RXFP4: variants seen among roughly 807,000 people sequenced by gnomAD.
The protein encoded by RXFP4 is relaxin-3 receptor 2.
For synonymous variants in RXFP4, 182 were observed against 218.0 expected (o/e 0.83, Z 1.45); for missense variants, 425 against 491.3 (o/e 0.87, Z 1.28).
At position 155,941,868 on chromosome 1, in the gene RXFP4, C is replaced by T; in HGVS notation, c.159C>T (p.Gly53=). The change falls in exon 1 of 1, where the codon GGC becomes GGT. Residue 53 remains glycine, a synonymous_variant. Transcript: ENST00000368318. ...CCTATGGGCTTGTGGGGGCCATTGG[C>T]TTGCTGGGAAATTTGGCGGTGCTGT... ...ALAYGLVGAI[G]LLGNLAVLWV... 5 of 1,614,224 alleles carry T rather than the reference C, an allele frequency of 3.1e-6. No individual in the cohort carries two copies. The South Asian group carries it at 4.4e-5, about 14-fold the overall frequency.
In RXFP4 at chr1:155,942,402, G is replaced by A; in HGVS notation, c.693G>A (p.Leu231=). Reference sequence around the variant, plus strand: ...GCTACCTGCTGCTGCTGGCCTTCCTGCAGCGGCGGCAACGGCGGCGGCAGG... The same window carrying A: ...GCTACCTGCTGCTGCTGGCCTTCCTACAGCGGCGGCAACGGCGGCGGCAGG... ...TTSYLLLLAF[L]QRRQRRRQDS... The change falls in exon 1 of 1, where the codon CTG becomes CTA. Residue 231 remains leucine (L), a synonymous_variant. Transcript: ENST00000368318. This position sits in a 1 kb window ranked among gnomAD's most constrained non-coding sequence, Gnocchi z 5.2. 6.4e-7 allele frequency: 1 copy of A among 1,554,060 alleles called. No homozygotes were observed. The highest frequency in any genetic ancestry group is 1.8e-5 in the Admixed American group (1 of 54,104).
In RXFP4 at chr1:155,942,602, C is replaced by A. The variant is rs1259543208; in HGVS notation, c.893C>A (p.Ala298Glu). The A allele has an allele frequency of 6.2e-7, 1 of 1,614,206 alleles. No homozygotes were observed. Among genetic ancestry groups the A allele is most frequent in the Non-Finnish European group, 8.5e-7 (1 of 1,180,016 alleles). The change falls in exon 1 of 1, where the codon GCA becomes GAA. Residue 298 changes from alanine (A) to glutamate (E), a missense_variant. By Grantham distance (107) the Ala-to-Glu change is moderately radical. Coordinates refer to ENST00000368318, the MANE Select transcript of RXFP4 (RefSeq NM_181885.3). The surrounding 1 kb of genome is among the most constrained non-coding windows in gnomAD (Gnocchi z 5.2). The stretch of plus-strand genomic sequence containing the variant: ...GTCTTCCCTGTCACTACTTGCTTGG[C>A]ACACAGCAATAGCTGCCTCAACCCT... ...TYVFPVTTCL[A>E]HSNSCLNPVL...
chr1:155,941,901 G>A lies in RXFP4; in HGVS notation c.192G>A (p.Leu64=). The part of the protein sequence containing the change: ...LLGNLAVLWV[L]SNCARRAPGP... ...GAAATTTGGCGGTGCTGTGGGTACT[G>A]AGTAACTGTGCCCGGAGAGCCCCTG... The change falls in exon 1 of 1, where the codon CTG becomes CTA. Residue 64 remains leucine (L), a synonymous_variant. Coordinates refer to ENST00000368318, the MANE Select transcript of RXFP4 (RefSeq NM_181885.3). 8 of 1,614,212 alleles carry A rather than the reference G, an allele frequency of 5.0e-6. No individual in the cohort carries two copies. Among genetic ancestry groups the A allele is most frequent in the Non-Finnish European group, 6.8e-6 (8 of 1,180,038 alleles).
rs769355033 is a variant in RXFP4 at position 155,941,742 on chromosome 1, C to T, written c.33C>T (p.Pro11=). The change falls in exon 1 of 1, where the codon CCC becomes CCT. Residue 11 remains proline (P), a synonymous_variant. Coordinates refer to ENST00000368318, the MANE Select transcript of RXFP4 (RefSeq NM_181885.3). ...CACTCAATACTTCTGCCTCTCCACC[C>T]ACATTCTTCTGGGCCAATGCCTCCG... is the stretch of plus-strand genomic sequence containing the variant. MPTLNTSASP[P]TFFWANASGG... 1 of 1,614,206 alleles carries T rather than the reference C, an allele frequency of 6.2e-7. No individual in the cohort carries two copies. The highest frequency in any genetic ancestry group is 8.5e-7 in the Non-Finnish European group (1 of 1,180,012).
chr1:155,942,611 A>G lies in RXFP4; in HGVS notation c.902A>G (p.Asn301Ser), dbSNP rs915269552. The change falls in exon 1 of 1, where the codon AAT becomes AGT. Residue 301 changes from asparagine to serine, a missense_variant. Asn to Ser is a conservative substitution (Grantham distance 46, BLOSUM62 1). Transcript: ENST00000368318. This position sits in a 1 kb window ranked among gnomAD's most constrained non-coding sequence, Gnocchi z 5.2. The part of the protein sequence containing the change: ...FPVTTCLAHS[N>S]SCLNPVLYCL... The stretch of plus-strand genomic sequence containing the variant: ...GTCACTACTTGCTTGGCACACAGCA[A>G]TAGCTGCCTCAACCCTGTGCTGTAC... The G allele has an allele frequency of 1.2e-6, 2 of 1,614,186 alleles. No individual in the cohort carries two copies. Among genetic ancestry groups the G allele is most frequent in the Non-Finnish European group, 1.7e-6 (2 of 1,180,016 alleles).
In RXFP4 at chr1:155,942,913, C is replaced by T. The variant is rs989594575; in HGVS notation, c.*79C>T. ...TTGAGTCCTGGGGAGAAGCTGCCCT[C>T]TCTGCCAGGCTGCAGTGCCCTCAGG... is the stretch of plus-strand genomic sequence containing the variant. On this transcript the variant is annotated 3_prime_UTR_variant, in exon 1 of 1. Coordinates refer to ENST00000368318, the MANE Select transcript of RXFP4 (RefSeq NM_181885.3). This position sits in a 1 kb window ranked among gnomAD's most constrained non-coding sequence, Gnocchi z 5.2. 1 of 1,352,514 alleles carries T rather than the reference C, an allele frequency of 7.4e-7. No homozygotes were observed. Among genetic ancestry groups the T allele is most frequent in the Admixed American group, 2.8e-5 (1 of 35,274 alleles). The allele number at this position is 1,352,514 out of a possible 1,614,324, so 83.8% of individuals were successfully genotyped here. A position where few individuals can be genotyped will look rare whatever the true frequency, so the allele number is the denominator to read the frequency against.
In RXFP4 at chr1:155,941,704, C is replaced by A. The variant is rs1233639578; in HGVS notation, c.-6C>A. The A allele has an allele frequency of 6.2e-7, 1 of 1,612,570 alleles. No homozygotes were observed. Among genetic ancestry groups the A allele is most frequent in the Non-Finnish European group, 8.5e-7 (1 of 1,178,864 alleles). On this transcript the variant is annotated 5_prime_UTR_variant, in exon 1 of 1. Coordinates refer to ENST00000368318, the MANE Select transcript of RXFP4 (RefSeq NM_181885.3). ...TCTCAGCACCACCAATCTCTGATGC[C>A]CTGCGATGCCCACACTCAATACTTC...
Position 155,942,688 on chromosome 1 carries a change from C to T in RXFP4, c.979C>T (p.Leu327=). ...RQALAGTFRD[L]RLRLWPQGGG... ...GGCTCTGGCAGGCACCTTCAGGGAT[C>T]TGCGGTTGAGGCTGTGGCCCCAGGG... The change falls in exon 1 of 1, where the codon CTG becomes TTG. Residue 327 remains leucine, a synonymous_variant. Transcript: ENST00000368318. This position sits in a 1 kb window ranked among gnomAD's most constrained non-coding sequence, Gnocchi z 5.2. The T allele has an allele frequency of 6.2e-7, 1 of 1,612,800 alleles. No individual in the cohort carries two copies.
In RXFP4 at chr1:155,941,864, T is replaced by A; in HGVS notation, c.155T>A (p.Ile52Asn). Residue 52 changes from isoleucine (I) to asparagine (N), a missense_variant, in exon 1 of 1, where the codon ATT (isoleucine) becomes AAT (asparagine). Physicochemically the swap from Ile to Asn is moderately radical, Grantham distance 149. Coordinates refer to ENST00000368318, the MANE Select transcript of RXFP4 (RefSeq NM_181885.3). The stretch of plus-strand genomic sequence containing the variant: ...CTGGCCTATGGGCTTGTGGGGGCCA[T>A]TGGCTTGCTGGGAAATTTGGCGGTG... The part of the protein sequence containing the change: ...VALAYGLVGA[I>N]GLLGNLAVLW... 1 of 1,614,186 alleles carries A rather than the reference T, an allele frequency of 6.2e-7. No homozygotes were observed. Among genetic ancestry groups the A allele is most frequent in the Non-Finnish European group, 8.5e-7 (1 of 1,180,018 alleles).
chr1:155,942,117 C>T lies in RXFP4; in HGVS notation c.408C>T (p.Ser136=), dbSNP rs149283693. The change falls in exon 1 of 1, where the codon AGC becomes AGT. Residue 136 remains serine, a synonymous_variant. Coordinates refer to ENST00000368318, the MANE Select transcript of RXFP4 (RefSeq NM_181885.3). This position sits in a 1 kb window ranked among gnomAD's most constrained non-coding sequence, Gnocchi z 5.2. ...YASIFLITAL[S]VARYWVVAMA... ...GCATCTTCCTCATCACAGCGCTGAG[C>T]GTTGCTCGCTACTGGGTGGTGGCCA... 1.5e-5 allele frequency: 25 copies of T among 1,612,998 alleles called. No individual in the cohort carries two copies. Among genetic ancestry groups the T allele is most frequent in the Middle Eastern group, 3.3e-4 (2 of 6,080 alleles).
Position 155,942,574 on chromosome 1 carries a change from T to A in RXFP4, c.865T>A (p.Tyr289Asn). 1.2e-6 allele frequency: 2 copies of A among 1,614,180 alleles called. No individual in the cohort carries two copies. The highest frequency in any genetic ancestry group is 3.3e-5 in the Admixed American group (2 of 60,030). ...WNSTFYTIQTYVFPVTTCLAH... is the reference protein window; with the variant it reads ...WNSTFYTIQTNVFPVTTCLAH... The stretch of plus-strand genomic sequence containing the variant: ...CAGTACTTTCTATACTATCCAGACG[T>A]ATGTCTTCCCTGTCACTACTTGCTT... Residue 289 changes from tyrosine to asparagine, a missense_variant, in exon 1 of 1, where the codon TAT becomes AAT. Coordinates refer to ENST00000368318, the MANE Select transcript of RXFP4 (RefSeq NM_181885.3). This position sits in a 1 kb window ranked among gnomAD's most constrained non-coding sequence, Gnocchi z 5.2.
Position 155,942,906 on chromosome 1 carries a change from C to G in RXFP4, c.*72C>G, listed in dbSNP as rs1267588610. The G allele has an allele frequency of 4.1e-5, 57 of 1,379,126 alleles. No individual in the cohort carries two copies. The highest frequency in any genetic ancestry group is 5.2e-5 in the Non-Finnish European group (54 of 1,045,956). 85.4% of individuals were successfully genotyped at this position (1,379,126 alleles called of 1,614,324 possible). ...AGGATCCTTGAGTCCTGGGGAGAAG[C>G]TGCCCTCTCTGCCAGGCTGCAGTGC... On this transcript the variant is annotated 3_prime_UTR_variant, in exon 1 of 1. Coordinates refer to ENST00000368318, the MANE Select transcript of RXFP4 (RefSeq NM_181885.3). The surrounding 1 kb of genome is among the most constrained non-coding windows in gnomAD (Gnocchi z 5.2).
At position 155,941,907 on chromosome 1, in the gene RXFP4, C is replaced by T. The variant is rs1378590532; in HGVS notation, c.198C>T (p.Asn66=). ...TGGCGGTGCTGTGGGTACTGAGTAA[C>T]TGTGCCCGGAGAGCCCCTGGCCCAC... ...GNLAVLWVLS[N]CARRAPGPPS... is the part of the protein sequence containing the mutation. Residue 66 remains asparagine, a synonymous_variant, in exon 1 of 1, where the codon AAC becomes AAT. Transcript: ENST00000368318. The T allele has an allele frequency of 8.7e-6, 14 of 1,614,072 alleles. No individual in the cohort carries two copies. In the Admixed American group the frequency reaches 1.5e-4, roughly 17 times the overall value.
chr1:155,942,674 G>T lies in RXFP4; in HGVS notation c.965G>T (p.Gly322Val), dbSNP rs202202296. 18 of 1,613,376 alleles carry T rather than the reference G, an allele frequency of 1.1e-5. No homozygotes were observed. The highest frequency in any genetic ancestry group is 1.4e-5 in the Non-Finnish European group (17 of 1,179,924). ...CGGGAGCCCCGGCAGGCTCTGGCAG[G>T]CACCTTCAGGGATCTGCGGTTGAGG... ...LRREPRQALA[G>V]TFRDLRLRLW... The change falls in exon 1 of 1, where the codon GGC (glycine) becomes GTC (valine). Residue 322 changes from glycine (G) to valine (V), a missense_variant. Gly to Val is a moderately radical substitution (Grantham distance 109, BLOSUM62 -3). Coordinates refer to ENST00000368318, the MANE Select transcript of RXFP4 (RefSeq NM_181885.3). This position sits in a 1 kb window ranked among gnomAD's most constrained non-coding sequence, Gnocchi z 5.2.
Position 155,941,850 on chromosome 1 carries a change from G to A in RXFP4, c.141G>A (p.Gly47=). 1 of 1,614,252 alleles carries A rather than the reference G, an allele frequency of 6.2e-7. No individual in the cohort carries two copies. ...ALRLMVALAY[G]LVGAIGLLGN... ...GGCTCATGGTTGCCCTGGCCTATGGGCTTGTGGGGGCCATTGGCTTGCTGG... is the reference window on the plus strand; with the variant it reads ...GGCTCATGGTTGCCCTGGCCTATGGACTTGTGGGGGCCATTGGCTTGCTGG... Residue 47 remains glycine (G), a synonymous_variant, in exon 1 of 1, where the codon GGG becomes GGA. Transcript: ENST00000368318.
At position 155,941,912 on chromosome 1, in the gene RXFP4, C is replaced by T. The variant is rs1432833866; in HGVS notation, c.203C>T (p.Ala68Val). ...GTGCTGTGGGTACTGAGTAACTGTGCCCGGAGAGCCCCTGGCCCACCTTCA... is the reference window on the plus strand; with the variant it reads ...GTGCTGTGGGTACTGAGTAACTGTGTCCGGAGAGCCCCTGGCCCACCTTCA... ...LAVLWVLSNCARRAPGPPSDT... is the reference protein window; with the variant it reads ...LAVLWVLSNCVRRAPGPPSDT... The change falls in exon 1 of 1, where the codon GCC becomes GTC. Residue 68 changes from alanine (A) to valine (V), a missense_variant. By Grantham distance (64) the Ala-to-Val change is moderately conservative. Coordinates refer to ENST00000368318, the MANE Select transcript of RXFP4 (RefSeq NM_181885.3). 1.2e-6 allele frequency: 2 copies of T among 1,614,150 alleles called. No individual in the cohort carries two copies. Among genetic ancestry groups the T allele is most frequent in the South Asian group, 2.2e-5 (2 of 91,076 alleles).
chr1:155,942,592 A>G lies in RXFP4; in HGVS notation c.883A>G (p.Thr295Ala), dbSNP rs148508637. 7 of 1,613,978 alleles carry G rather than the reference A, an allele frequency of 4.3e-6. No individual in the cohort carries two copies. The highest frequency in any genetic ancestry group is 5.9e-6 in the Non-Finnish European group (7 of 1,180,004). Reference protein sequence around the residue: ...TIQTYVFPVTTCLAHSNSCLN... With the variant: ...TIQTYVFPVTACLAHSNSCLN... ...CCAGACGTATGTCTTCCCTGTCACT[A>G]CTTGCTTGGCACACAGCAATAGCTG... The change falls in exon 1 of 1, where the codon ACT becomes GCT. Residue 295 changes from threonine (T) to alanine (A), a missense_variant. Physicochemically the swap from Thr to Ala is moderately conservative, Grantham distance 58 (BLOSUM62 0). Coordinates refer to ENST00000368318, the MANE Select transcript of RXFP4 (RefSeq NM_181885.3). This position sits in a 1 kb window ranked among gnomAD's most constrained non-coding sequence, Gnocchi z 5.2.
At position 155,942,879 on chromosome 1, in the gene RXFP4, G is replaced by T. The variant is rs774650966; in HGVS notation, c.*45G>T. On this transcript the variant is annotated 3_prime_UTR_variant, in exon 1 of 1. Transcript: ENST00000368318. This position sits in a 1 kb window ranked among gnomAD's most constrained non-coding sequence, Gnocchi z 5.2. ...CTCCTCTTTCTGAGATCCACCAAGT[G>T]TAGGATCCTTGAGTCCTGGGGAGAA... 1 of 1,482,368 alleles carries T rather than the reference G, an allele frequency of 6.7e-7. No homozygotes were observed. The highest frequency in any genetic ancestry group is 2.3e-5 in the Admixed American group (1 of 42,860). 91.8% of individuals were successfully genotyped at this position (1,482,368 alleles called of 1,614,324 possible). A position where few individuals can be genotyped will look rare whatever the true frequency, so the allele number is the denominator to read the frequency against.
chr1:155,942,471 C>T lies in RXFP4; in HGVS notation c.762C>T (p.Ser254=). 2 of 1,603,030 alleles carry T rather than the reference C, an allele frequency of 1.2e-6. No individual in the cohort carries two copies. Among genetic ancestry groups the T allele is most frequent in the South Asian group, 2.2e-5 (2 of 89,476 alleles). Residue 254 remains serine, a synonymous_variant, in exon 1 of 1, where the codon TCC becomes TCT. Transcript: ENST00000368318. This position sits in a 1 kb window ranked among gnomAD's most constrained non-coding sequence, Gnocchi z 5.2. The part of the protein sequence containing the change: ...VARSVRILVA[S]FFLCWFPNHV... Reference sequence around the variant, plus strand: ...GCTCTGTCCGCATCCTGGTGGCTTCCTTCTTCCTCTGCTGGTTTCCCAACC... The same window carrying T: ...GCTCTGTCCGCATCCTGGTGGCTTCTTTCTTCCTCTGCTGGTTTCCCAACC...
Sources: gnomAD v4.1 joint callset for allele counts on GRCh38, gnomAD v4.1.1 for gene constraint, Gnocchi (gnomAD v3.1) non-coding constraint, MANE v1.5 for transcripts, NCBI Gene and HGNC (gene_info 2026-07-23, HGNC 2026-07-21) for gene names.